The following GMDS variants were observed in gnomAD, a reference collection of about 807,000 sequenced individuals.
GMDS encodes the protein GDP-mannose 4,6 dehydratase.
Under a neutral mutation model 49.9 loss-of-function variants are expected in GMDS, and 20 were observed. That is an observed-to-expected ratio of 0.40 (90% CI 0.28 to 0.58). GMDS has a LOEUF of 0.58. GMDS is among the 20% of genes least tolerant of loss of function. The pLI is 0.42. For synonymous variants in GMDS, 177 were observed against 178.6 expected, an observed-to-expected ratio of 0.99 and a Z score of 0.07; for missense variants, 362 against 481.4, an observed-to-expected ratio of 0.75 and a Z score of 2.32.
chr6:1,768,253 G>T (rs1561792214), intron 7 of GMDS, among the ~76,000 whole-genome samples: 1 of 152,164 alleles, frequency 6.6e-6, no homozygotes, highest in East Asian at 1.9e-4. Flanking sequence ...ATGTCATAGA[G>T]ACATGCTTTC....
At chr6:1,847,634 A>G (rs895968578) in intron 7 of GMDS, among the ~76,000 whole-genome samples, 2 of 152,226 alleles carry the variant, frequency 1.3e-5, no homozygotes, top group African/African-American at 4.8e-5. Flanking sequence ...CTTTCTGCAG[A>G]ATGTGTCAAC....
At chr6:1,908,998 G>A (rs1760914782) in intron 7 of GMDS, among the ~76,000 whole-genome samples, 2 of 152,042 alleles carry the variant, frequency 1.3e-5, no homozygotes, top group South Asian at 4.1e-4. Context: ...GAGATTCCCA[G>A]GGGAAAAAAG....
intron 4 of GMDS, among the ~76,000 whole-genome samples, chr6:2,027,898 T>C (rs960063494): frequency 1.3e-5 from 2 of 152,166 alleles, no homozygotes; most frequent in Non-Finnish European, 2.9e-5. Flanking sequence ...TGATACAATA[T>C]ATAAACTCAT....
chr6:2,057,006 C>T (rs1264939348), intron 4 of GMDS, among the ~76,000 whole-genome samples: 2 of 152,144 alleles, frequency 1.3e-5, no homozygotes, highest in African/African-American at 2.4e-5. Context: ...AATATGAATA[C>T]ACTGTGAAAT....
intron 9 of GMDS, among the ~76,000 whole-genome samples, chr6:1,682,478 C>G (rs1188210906): frequency 6.6e-6 from 1 of 152,230 alleles, no homozygotes; most frequent in Non-Finnish European, 1.5e-5. Flanking sequence ...ACTGGGAGGA[C>G]CGGGGACTCT....
At chr6:2,214,371 T>C (rs926348909) in intron 1 of GMDS, among the ~76,000 whole-genome samples, 3 of 151,926 alleles carry the variant, frequency 2.0e-5, no homozygotes, top group Admixed American at 6.6e-5. Flanking sequence ...AGATCAAAAA[T>C]ATGAGGGAAA....
chr6:2,127,250 T>G (rs1672429856), intron 1 of GMDS, among the ~76,000 whole-genome samples: 1 of 152,198 alleles, frequency 6.6e-6, no homozygotes, highest in African/African-American at 2.4e-5. Flanking sequence ...GCAATAAGAC[T>G]AATAATTTGG....
intron 4 of GMDS, among the ~76,000 whole-genome samples, chr6:2,090,881 T>C (rs116066313): frequency 1.3e-5 from 2 of 152,342 alleles, no homozygotes; most frequent in African/African-American, 2.4e-5. Flanking sequence ...ATATTCATTA[T>C]GTGATTTAAG....
intron 6 of GMDS, among the ~76,000 whole-genome samples, chr6:1,944,262 C>T (rs1581399427): frequency 1.3e-5 from 2 of 152,242 alleles, no homozygotes; most frequent in Non-Finnish European, 1.5e-5. Context: ...ATCCCAGCAC[C>T]TTGGGAGGCC....
At chr6:2,141,742 A>G (rs535301121) in intron 1 of GMDS, among the ~76,000 whole-genome samples, 1 of 152,106 alleles carries the variant, frequency 6.6e-6, no homozygotes, top group African/African-American at 2.4e-5. Flanking sequence ...TAAATACAGC[A>G]TCTCTGACCA....
intron 9 of GMDS, among the ~76,000 whole-genome samples, chr6:1,696,872 G>A (rs1181062547): frequency 1.3e-5 from 2 of 152,234 alleles, no homozygotes; most frequent in Non-Finnish European, 2.9e-5. Flanking sequence ...GAGTCACATG[G>A]TAAAACAACA....
intron 7 of GMDS, among the ~76,000 whole-genome samples, chr6:1,885,041 T>C (rs560493160): frequency 6.6e-6 from 1 of 152,306 alleles, no homozygotes; most frequent in South Asian, 2.1e-4. Flanking sequence ...CAGGAGATAT[T>C]TAAGCAATCT....
intron 9 of GMDS, among the ~76,000 whole-genome samples, chr6:1,667,694 A>ATT (rs3839497): frequency 0.19 from 27,478 of 145,138 alleles, 2,945 homozygotes; most frequent in East Asian, 0.5. Context: ...GCACTTTTGT[A>ATT]TTTTTTTTTC....
rs1013737652 is a variant in GMDS at position 1,926,050 on chromosome 6, A to C, written c.771+4053T>G. Among the ~76,000 whole-genome samples the C allele has an allele frequency of 2.0e-5, 3 of 152,260 alleles. No homozygotes were observed. In the South Asian group the frequency reaches 6.2e-4, roughly 32 times the overall value. ...AGAGAGGAGAGCTCCAGCCACTGAG[A>C]GACCCGACTCCAGGGGAAAACCACC... is the stretch of plus-strand genomic sequence containing the variant. On this transcript the variant is annotated intron_variant, in intron 7 of 10. Coordinates refer to ENST00000380815, the MANE Select transcript of GMDS (RefSeq NM_001500.4).
Position 2,142,569 on chromosome 6 carries a change from T to A in GMDS, c.103-17838A>T, listed in dbSNP as rs1204649998. Among the ~76,000 whole-genome samples the A allele has an allele frequency of 5.9e-5, 9 of 152,134 alleles. No individual in the cohort carries two copies. In the East Asian group the frequency reaches 1.5e-3, roughly 26 times the overall value. On this transcript the variant is annotated intron_variant, in intron 1 of 10. Coordinates refer to ENST00000380815, the MANE Select transcript of GMDS (RefSeq NM_001500.4). ...GGCAAGGTAAGGGGCCTGGAACAGA[T>A]CCTTCCCTCACAGCCCTCAGAAGGA...
At chr6:2,242,882 A>G (rs1381756146) in intron 1 of GMDS, among the ~76,000 whole-genome samples, 2 of 152,218 alleles carry the variant, frequency 1.3e-5, no homozygotes, top group Non-Finnish European at 2.9e-5. Flanking sequence ...AAAACATACA[A>G]TAAGGTATGG....
chr6:2,158,186 A>G (rs941233557), intron 1 of GMDS, among the ~76,000 whole-genome samples: 2 of 152,198 alleles, frequency 1.3e-5, no homozygotes, highest in African/African-American at 4.8e-5. Context: ...AATAGTTTAA[A>G]AACAATAGCA....
intron 7 of GMDS, among the ~76,000 whole-genome samples, chr6:1,755,178 CAA>C (rs1767894816): frequency 1.3e-5 from 2 of 152,212 alleles, no homozygotes; most frequent in Non-Finnish European, 2.9e-5. Flanking sequence ...GCAACTTCAG[CAA>C]AGTCTCAGGG....
At chr6:2,237,625 G>C (rs994713248) in intron 1 of GMDS, among the ~76,000 whole-genome samples, 10 of 150,000 alleles carry the variant, frequency 6.7e-5, no homozygotes, top group African/African-American at 2.2e-4. Flanking sequence ...GGGTTCAAGC[G>C]ATTCTCCTGC....
Sources: allele counts gnomAD v4.1 joint callset (sites outside exome capture counted in the v4.1 genomes callset), GRCh38; gene constraint gnomAD v4.1.1; transcripts MANE v1.5; gene names NCBI Gene and HGNC (gene_info 2026-07-23, HGNC 2026-07-21).